Variants in RGS10 observed in about 807,000 individuals in gnomAD.
RGS10 encodes the protein regulator of G protein signaling 10.
Under a neutral mutation model 23.5 loss-of-function variants are expected in RGS10, and 11 were observed. That is an observed-to-expected ratio of 0.47 (90% CI 0.29 to 0.77). The LOEUF is 0.77. RGS10 is among the 30% of genes least tolerant of loss of function. The probability of loss-of-function intolerance (pLI) is 0.08; values close to 1 mark genes in which losing one functional copy is unlikely to be tolerated. For missense variants in RGS10, 180 were observed against 226.3 expected (o/e 0.80, Z 1.31); for synonymous variants, 77 against 83.2 (o/e 0.92, Z 0.41).
chr10:119,540,609 G>T (rs1445024339), intron 1 of RGS10, among the ~76,000 whole-genome samples: 1 of 152,116 alleles, frequency 6.6e-6, no homozygotes, highest in Non-Finnish European at 1.5e-5. Flanking sequence ...AAAATTTGTT[G>T]CCCTGAAATA....
At chr10:119,521,660 G>GA (rs1844219709) in intron 3 of RGS10, among the ~76,000 whole-genome samples, 1 of 80,042 alleles carries the variant, frequency 1.2e-5, no homozygotes, top group African/African-American at 4.0e-5. Flanking sequence ...GGAAGGAAAG[G>GA]AGGAAAGGGG....
At chr10:119,537,118 C>A (rs919117344) in intron 1 of RGS10, among the ~76,000 whole-genome samples, 2 of 152,118 alleles carry the variant, frequency 1.3e-5, no homozygotes, top group Admixed American at 1.3e-4. Context: ...TGAGGCCAGG[C>A]GTGGTGGCTC....
rs142722250 is a variant in RGS10, at chr10:119,517,873, C to T, written c.256-2221G>A. On this transcript the variant is annotated intron_variant, in intron 3 of 4. Coordinates refer to ENST00000369103, the MANE Select transcript of RGS10 (RefSeq NM_001005339.2). The surrounding 1 kb of genome is among the most constrained non-coding windows in gnomAD (Gnocchi z 5.0). Reference sequence around the variant, plus strand: ...GGGTCTCAGCCCTGCCCTCTTCCACCGGCTGTCCCTCCTGAGTCTGCGTGA... The same window carrying T: ...GGGTCTCAGCCCTGCCCTCTTCCACTGGCTGTCCCTCCTGAGTCTGCGTGA... Among the ~76,000 whole-genome samples the T allele has an allele frequency of 1.2e-4, 18 of 152,276 alleles. No individual in the cohort carries two copies. Among genetic ancestry groups the T allele is most frequent in the South Asian group, 2.1e-4 (1 of 4,828 alleles).
intron 1 of RGS10, among the ~76,000 whole-genome samples, chr10:119,537,691 G>A (rs1844402228): frequency 6.6e-6 from 1 of 152,214 alleles, no homozygotes; most frequent in African/African-American, 2.4e-5. Context: ...GGGGTTCCCA[G>A]GTGGCCGCCT....
rs776062055 is a variant in RGS10 at position 119,500,218 on chromosome 10, T to C, written c.441A>G (p.Leu147=). The C allele has an allele frequency of 1.2e-6, 2 of 1,614,010 alleles. No individual in the cohort carries two copies. Among genetic ancestry groups the C allele is most frequent in the Non-Finnish European group, 1.7e-6 (2 of 1,179,992 alleles). ...LMKYDSYSRF[L]KSDLFLKHKR... is the part of the protein sequence containing the mutation. ...TGTGTTTTAAAAACAAGTCAGACTT[T>C]AAGAAGCGGCTGTAGCTGTCGTACT... is the stretch of plus-strand genomic sequence containing the variant. The change falls in exon 5 of 5, where the codon TTA becomes TTG. Residue 147 remains leucine, a synonymous_variant. Coordinates refer to ENST00000369103, the MANE Select transcript of RGS10 (RefSeq NM_001005339.2).
chr10:119,532,087 C>A (rs1234084212), intron 1 of RGS10, among the ~76,000 whole-genome samples: 2 of 152,144 alleles, frequency 1.3e-5, no homozygotes, highest in Non-Finnish European at 2.9e-5. Context: ...TCTGAGATAC[C>A]TGCTCTCTAT....
intron 1 of RGS10, among the ~76,000 whole-genome samples, chr10:119,541,932 C>T (rs952224572): frequency 6.6e-6 from 1 of 152,264 alleles, no homozygotes; most frequent in South Asian, 2.1e-4. Context: ...CACGGCTCCA[C>T]CTTCACCGTG....
At chr10:119,520,159 A>T (rs1844197047) in intron 3 of RGS10, among the ~76,000 whole-genome samples, 1 of 152,240 alleles carries the variant, frequency 6.6e-6, no homozygotes, top group South Asian at 2.1e-4. Flanking sequence ...CAATGAAAGG[A>T]TCAAGACACT....
Position 119,527,332 on chromosome 10 carries a change from C to A in RGS10, c.142G>T (p.Asp48Tyr). The change falls in exon 2 of 5, where the codon GAC (aspartate) becomes TAC (tyrosine). Residue 48 changes from aspartate to tyrosine, a missense_variant. Transcript: ENST00000369103. The surrounding 1 kb of genome is among the most constrained non-coding windows in gnomAD (Gnocchi z 4.2). Reference sequence around the variant, plus strand: ...CTAAATCTTTTCACGCCTTCTGGGTCTTCCAGCAGATTCTCCAGGGATGCC... The same window carrying A: ...CTAAATCTTTTCACGCCTTCTGGGTATTCCAGCAGATTCTCCAGGGATGCC... ...WAASLENLLE[D>Y]PEGVKRFREF... is the part of the protein sequence containing the mutation. 3 of 1,614,106 alleles carry A rather than the reference C, an allele frequency of 1.9e-6. No individual in the cohort carries two copies. The highest frequency in any genetic ancestry group is 1.7e-6 in the Non-Finnish European group (2 of 1,179,934).
intron 1 of RGS10, among the ~76,000 whole-genome samples, chr10:119,532,496 C>T (rs1844341523): frequency 1.3e-5 from 2 of 152,174 alleles, no homozygotes; most frequent in South Asian, 2.1e-4. Context: ...AGGCAGATTG[C>T]TTGAGCTCAG....
rs1346890133 is a variant in RGS10 at position 119,538,150 on chromosome 10, A to AAGGG, written c.49+4436_49+4439dup. ...GGAGGGAAGGAGGGAGGGAAGAAGG[A>AAGGG]AGGGAGGGAGGGAGTGGAGGAGAGA... On this transcript the variant is annotated intron_variant, in intron 1 of 4. Coordinates refer to ENST00000369103, the MANE Select transcript of RGS10 (RefSeq NM_001005339.2). The surrounding 1 kb of genome is among the most constrained non-coding windows in gnomAD (Gnocchi z 4.5). 6.6e-6 allele frequency among the ~76,000 whole-genome samples: 1 copy of AAGGG among 151,956 alleles called. No individual in the cohort carries two copies. Among genetic ancestry groups the AAGGG allele is most frequent in the South Asian group, 2.1e-4 (1 of 4,820 alleles).
chr10:119,539,246 T>A (rs146539149), intron 1 of RGS10, among the ~76,000 whole-genome samples: 1 of 152,294 alleles, frequency 6.6e-6, no homozygotes, highest in Non-Finnish European at 1.5e-5. Flanking sequence ...TGCTGCCGAG[T>A]TGTTAAAACA....
In RGS10 at chr10:119,524,701, G is replaced by A. The variant is rs1362128516; in HGVS notation, c.255+1331C>T. On this transcript the variant is annotated intron_variant, in intron 3 of 4. Coordinates refer to ENST00000369103, the MANE Select transcript of RGS10 (RefSeq NM_001005339.2). This position sits in a 1 kb window ranked among gnomAD's most constrained non-coding sequence, Gnocchi z 5.2. ...GGCCCCTCTCTGCCCAGGAGGCTCC[G>A]GCCAACGTCATCCAGAGGAGAGAAA... Among the ~76,000 whole-genome samples, 7 of 151,998 alleles carry A rather than the reference G, an allele frequency of 4.6e-5. No homozygotes were observed. Among genetic ancestry groups the A allele is most frequent in the South Asian group, 2.1e-4 (1 of 4,808 alleles).
intron 1 of RGS10, among the ~76,000 whole-genome samples, chr10:119,535,193 C>T (rs893174112): frequency 6.7e-6 from 1 of 148,448 alleles, no homozygotes; most frequent in Non-Finnish European, 1.5e-5. Flanking sequence ...GAGGCCAGAA[C>T]ACAACAGCCT....
At chr10:119,526,889 AG>A (rs1844281816) in intron 2 of RGS10, among the ~76,000 whole-genome samples, 1 of 151,848 alleles carries the variant, frequency 6.6e-6, no homozygotes, top group African/African-American at 2.4e-5. Flanking sequence ...CTGCTCTCGG[AG>A]GTCCCTTCGC....
In RGS10 at chr10:119,519,131, C is replaced by T. The variant is rs563339613; in HGVS notation, c.256-3479G>A. Among the ~76,000 whole-genome samples the T allele has an allele frequency of 2.6e-4, 40 of 152,346 alleles. No homozygotes were observed. The South Asian group carries it at 7.5e-3, about 28-fold the overall frequency. The stretch of plus-strand genomic sequence containing the variant: ...CAGCGCTGCTCCACCAGCCGGCTGA[C>T]GCTGCCCAGGCAGCGAGGCCTCTCA... On this transcript the variant is annotated intron_variant, in intron 3 of 4. Transcript: ENST00000369103.
intron 3 of RGS10, among the ~76,000 whole-genome samples, chr10:119,520,780 T>A (rs1844203160): frequency 7.2e-6 from 1 of 138,534 alleles, no homozygotes. Flanking sequence ...AATAGGAGGA[T>A]CTGAAGATGT....
chr10:119,514,657 T>TAAAAA (rs59322683), intron 4 of RGS10, among the ~76,000 whole-genome samples: 2 of 141,782 alleles, frequency 1.4e-5, no homozygotes, highest in Non-Finnish European at 3.0e-5. Flanking sequence ...GACTCGGTAT[T>TAAAAA]AAAAAAAAAA....
intron 2 of RGS10, among the ~76,000 whole-genome samples, 172 bp from the exon 3 acceptor site, chr10:119,526,290 T>C (rs1178100349): frequency 6.6e-6 from 1 of 152,240 alleles, no homozygotes. Context: ...ATGTTAAAGC[T>C]ATAATTTCAT....
Sources: allele counts gnomAD v4.1 joint callset (sites outside exome capture counted in the v4.1 genomes callset), GRCh38; gene constraint gnomAD v4.1.1; non-coding constraint Gnocchi (gnomAD v3.1); transcripts MANE v1.5; gene names NCBI Gene and HGNC (gene_info 2026-07-23, HGNC 2026-07-21).